The following RIN2 variants were observed in gnomAD, a reference collection of about 807,000 sequenced individuals.
The protein encoded by RIN2 is RAB5 interacting protein 2.
In RIN2, 36 loss-of-function variants were observed where a neutral mutation model predicts 78.0. That is an observed-to-expected ratio of 0.46 (90% CI 0.35 to 0.61). RIN2 has a LOEUF of 0.61. RIN2 is among the 20% of genes least tolerant of loss of function. The pLI is 0.00. For missense variants in RIN2, 1,087 were observed against 1,159.7 expected (o/e 0.94, Z 0.91); for synonymous variants, 466 against 466.8 (o/e 1.00, Z 0.02).
chr20:19,989,566 A>G (rs2042731150), intron 9 of RIN2, among the ~76,000 whole-genome samples: 2 of 152,124 alleles, frequency 1.3e-5, no homozygotes, highest in Non-Finnish European at 2.9e-5. Context: ...GTGAGCTACC[A>G]CGCCTGGCCC....
At chr20:19,913,892 G>T (rs926303922) in intron 3 of RIN2, among the ~76,000 whole-genome samples, 1 of 152,150 alleles carries the variant, frequency 6.6e-6, no homozygotes, top group Non-Finnish European at 1.5e-5. Flanking sequence ...TATGAATGTG[G>T]ATTAGAACCT....
At chr20:19,968,064 G>C (rs571194947) in intron 7 of RIN2, among the ~76,000 whole-genome samples, 2 of 152,076 alleles carry the variant, frequency 1.3e-5, no homozygotes, top group African/African-American at 4.8e-5. Context: ...AGACCTTAGG[G>C]TCCAACACAT....
rs139454949 is a variant in RIN2 at position 19,859,588 on chromosome 20, T to G, written c.-36-29978T>G. On this transcript the variant is annotated intron_variant, in intron 2 of 12. Transcript: ENST00000255006. ...AAGGTCTTGAAATATAACTTTCCCT[T>G]GACTTCCATGAAGATCCCATCTATT... is the stretch of plus-strand genomic sequence containing the variant. 2.2e-4 allele frequency among the ~76,000 whole-genome samples: 34 copies of G among 152,300 alleles called. No homozygotes were observed. The East Asian group carries it at 5.8e-3, about 26-fold the overall frequency.
chr20:19,928,333 G>T (rs1449264244), intron 3 of RIN2, among the ~76,000 whole-genome samples: 2 of 152,142 alleles, frequency 1.3e-5, no homozygotes, highest in Non-Finnish European at 2.9e-5. Flanking sequence ...CCAGCCAACC[G>T]GGGCCCGAGA....
chr20:19,789,855 T>C (rs1366185806), intron 1 of RIN2, among the ~76,000 whole-genome samples: 2 of 152,210 alleles, frequency 1.3e-5, no homozygotes, highest in Non-Finnish European at 2.9e-5. Flanking sequence ...TGTCTTCCTC[T>C]AATTTCTCTC....
At chr20:19,932,272 G>A (rs1488128557) in intron 3 of RIN2, among the ~76,000 whole-genome samples, 7 of 152,220 alleles carry the variant, frequency 4.6e-5, no homozygotes, top group African/African-American at 9.6e-5. Flanking sequence ...TCTGCCTTCC[G>A]CCACGGGATG....
intron 1 of RIN2, among the ~76,000 whole-genome samples, chr20:19,783,435 G>A (rs1297900899): frequency 6.6e-6 from 1 of 151,822 alleles, no homozygotes; most frequent in Non-Finnish European, 1.5e-5. Flanking sequence ...AGGTTTTTGG[G>A]CGTCCCCTCT....
intron 2 of RIN2, among the ~76,000 whole-genome samples, chr20:19,885,539 C>T (rs769855495): frequency 5.1e-5 from 5 of 98,122 alleles, no homozygotes; most frequent in East Asian, 3.8e-4. Context: ...TGATGGTGCA[C>T]GCCTGTAATC....
intron 12 of RIN2, among the ~76,000 whole-genome samples, chr20:19,999,841 G>T (rs2043087875): frequency 6.6e-6 from 1 of 152,148 alleles, no homozygotes; most frequent in South Asian, 2.1e-4. Context: ...AAAGTATTTG[G>T]CAAAATCAAC....
chr20:19,843,512 G>A (rs1484105739), intron 2 of RIN2, among the ~76,000 whole-genome samples: 3 of 152,276 alleles, frequency 2.0e-5, no homozygotes, highest in South Asian at 2.1e-4. Context: ...CCAGATGATC[G>A]TTAGTATTTT....
intron 3 of RIN2, among the ~76,000 whole-genome samples, chr20:19,908,490 C>CAA (rs11482794): frequency 0.21 from 23,632 of 110,218 alleles, 2,272 homozygotes; most frequent in East Asian, 0.41. Context: ...GACTCCGTCT[C>CAA]AAAAAAAAAA....
chr20:19,779,494 A>G (rs1459238766), intron 1 of RIN2, among the ~76,000 whole-genome samples: 1 of 152,146 alleles, frequency 6.6e-6, no homozygotes, highest in African/African-American at 2.4e-5. Flanking sequence ...GGGTATAGCT[A>G]ACTTGCTTAG....
chr20:19,802,576 AAG>A (rs1260642275), intron 2 of RIN2, among the ~76,000 whole-genome samples: 1 of 152,120 alleles, frequency 6.6e-6, no homozygotes, highest in Non-Finnish European at 1.5e-5. Flanking sequence ...GTGTTATAGA[AAG>A]GCAGGCTGGA....
chr20:19,979,953 A>T (rs370676357), intron 9 of RIN2, among the ~76,000 whole-genome samples: 57 of 149,696 alleles, frequency 3.8e-4, no homozygotes, highest in African/African-American at 1.4e-3. Flanking sequence ...CTGAGGCAGG[A>T]GAATCACTTG....
chr20:19,846,789 C>A (rs2036798227), intron 2 of RIN2, among the ~76,000 whole-genome samples: 1 of 152,180 alleles, frequency 6.6e-6, no homozygotes, highest in South Asian at 2.1e-4. Context: ...ACATCCTTGT[C>A]TTGTGCCGGT....
chr20:19,827,368 C>T (rs934832324), intron 2 of RIN2, among the ~76,000 whole-genome samples: 1 of 152,208 alleles, frequency 6.6e-6, no homozygotes, highest in Non-Finnish European at 1.5e-5. Flanking sequence ...AAACTGGACC[C>T]TGGGCTTGAC....
At chr20:19,931,958 G>C (rs1419995386) in intron 3 of RIN2, among the ~76,000 whole-genome samples, 1 of 152,212 alleles carries the variant, frequency 6.6e-6, no homozygotes, top group African/African-American at 2.4e-5. Flanking sequence ...ATATAGGTTT[G>C]TGTATCTTTA....
rs2041551815 is a variant in RIN2 at position 19,956,619 on chromosome 20, G to A, written c.163G>A (p.Val55Ile). ...TGCCGCTTCTCTTTCTCCTAGCATG[G>A]TAAGACACAAGGATGGTGGCTATTC... ...GLEPAETHSM[V>I]RHKDGGYSEE... is the part of the protein sequence containing the mutation. The change falls in exon 5 of 13, where the codon GTA (valine) becomes ATA (isoleucine). Residue 55 changes from valine to isoleucine, a missense_variant. By Grantham distance (29) the Val-to-Ile change is conservative. Around this residue, in one of 8 missense-constraint regions of RIN2, gnomAD observed 706 missense variants for 667.5 expected, o/e 1.06. Coordinates refer to ENST00000255006, the MANE Select transcript of RIN2 (RefSeq NM_018993.4). 6.2e-7 allele frequency: 1 copy of A among 1,613,116 alleles called. No homozygotes were observed. The highest frequency in any genetic ancestry group is 1.3e-5 in the African/African-American group (1 of 75,030).
chr20:19,911,648 T>A (rs1012982204), intron 3 of RIN2, among the ~76,000 whole-genome samples: 2 of 152,248 alleles, frequency 1.3e-5, no homozygotes, highest in Non-Finnish European at 2.9e-5. Flanking sequence ...CATGTCCTTA[T>A]ACTATTTCTT....
Sources: allele counts gnomAD v4.1 joint callset (sites outside exome capture counted in the v4.1 genomes callset), GRCh38; gene constraint gnomAD v4.1.1; regional missense constraint gnomAD v4.1.1; transcripts MANE v1.5; gene names NCBI Gene and HGNC (gene_info 2026-07-23, HGNC 2026-07-21).